SCHIP1: variants seen among roughly 807,000 people sequenced by gnomAD.
SCHIP1 encodes schwannomin-interacting protein 1.
A neutral mutation model predicts 29.7 loss-of-function variants in SCHIP1; 8 were observed. That is an observed-to-expected ratio of 0.27 (90% CI 0.16 to 0.49). The LOEUF is 0.49. Ranked by LOEUF, SCHIP1 falls within the 20% of genes least tolerant of loss-of-function variation. SCHIP1 has a pLI of 0.99. For synonymous variants in SCHIP1, 76 were observed against 94.9 expected, an observed-to-expected ratio of 0.80 and a Z score of 1.16; for missense variants, 193 against 294.6, an observed-to-expected ratio of 0.66 and a Z score of 2.52.
the SCHIP1 span, among the ~76,000 whole-genome samples, chr3:159,678,199 A>T: frequency 6.6e-6 from 1 of 152,204 alleles, no homozygotes; most frequent in Non-Finnish European, 1.5e-5. Context: ...CCACTCACCC[A>T]GGTCTGAACT....
chr3:159,422,081 A>G, the SCHIP1 span, among the ~76,000 whole-genome samples: 12 of 152,224 alleles, frequency 7.9e-5, no homozygotes, highest in Non-Finnish European at 1.6e-4. Flanking sequence ...TTAAATTCCA[A>G]TGGTCATTTT....
the SCHIP1 span, among the ~76,000 whole-genome samples, chr3:159,468,967 C>T: frequency 5.2e-3 from 792 of 151,620 alleles, 7 homozygotes; most frequent in African/African-American, 0.018. Context: ...GGGGTTTCAC[C>T]GTGTTAGCCC....
At chr3:159,476,532 A>G in the SCHIP1 span, among the ~76,000 whole-genome samples, 30 of 152,176 alleles carry the variant, frequency 2.0e-4, no homozygotes, top group Non-Finnish European at 4.1e-4. Flanking sequence ...AGTAGTTTTA[A>G]TTTTTATTTA....
At chr3:159,626,184 A>ATATATATATATATCTAGATATATCTATC in the SCHIP1 span, among the ~76,000 whole-genome samples, 1 of 111,482 alleles carries the variant, frequency 9.0e-6, no homozygotes, top group Non-Finnish European at 1.6e-5. Context: ...ATCTATCTAG[A>ATATATATATATATCTAGATATATCTATC]TAGATAGATA....
chr3:159,666,637 TTTAA>T, the SCHIP1 span, among the ~76,000 whole-genome samples: 9,739 of 152,236 alleles, frequency 0.064, 979 homozygotes, highest in African/African-American at 0.22. Flanking sequence ...TATGTTTAAA[TTTAA>T]TTAAGTCTTC....
chr3:159,306,180 T>C, the SCHIP1 span, among the ~76,000 whole-genome samples: 1 of 74,376 alleles, frequency 1.3e-5, no homozygotes, highest in Non-Finnish European at 4.0e-5. Flanking sequence ...TAATACTATA[T>C]ACATGAATAA....
At chr3:159,440,823 G>A in the SCHIP1 span, among the ~76,000 whole-genome samples, 1 of 152,104 alleles carries the variant, frequency 6.6e-6, no homozygotes, top group Non-Finnish European at 1.5e-5. Flanking sequence ...CATACTCAGA[G>A]CGGGTTATTA....
chr3:159,639,731 GC>G, the SCHIP1 span, among the ~76,000 whole-genome samples: 4 of 152,168 alleles, frequency 2.6e-5, no homozygotes, highest in African/African-American at 9.7e-5. Flanking sequence ...GTAGATGTTA[GC>G]CTCTCCACGT....
chr3:159,434,051 T>G, the SCHIP1 span, among the ~76,000 whole-genome samples: 1 of 152,196 alleles, frequency 6.6e-6, no homozygotes, highest in African/African-American at 2.4e-5. Context: ...GTAGAGTGCA[T>G]GTCTTATTTA....
At chr3:159,588,677 A>G in the SCHIP1 span, among the ~76,000 whole-genome samples, 1 of 152,206 alleles carries the variant, frequency 6.6e-6, no homozygotes, top group Non-Finnish European at 1.5e-5. Context: ...TCAGCTTTCT[A>G]CATATGGCTA....
the SCHIP1 span, among the ~76,000 whole-genome samples, chr3:159,755,340 T>C: frequency 1.3e-5 from 2 of 152,290 alleles, no homozygotes; most frequent in South Asian, 4.2e-4. Flanking sequence ...TCACATCTTA[T>C]ATGGATGGCA....
chr3:159,290,127 G>A, the SCHIP1 span, among the ~76,000 whole-genome samples: 6 of 151,974 alleles, frequency 3.9e-5, no homozygotes, highest in African/African-American at 1.2e-4. Context: ...GCTTTCCATC[G>A]AAGACAACTA....
the SCHIP1 span, chr3:159,274,117 A>T: frequency 1.0e-6 from 1 of 985,206 alleles, no homozygotes; most frequent in Admixed American, 6.2e-5. Context: ...TGAGAATCTA[A>T]GTTTGAGTGT....
the SCHIP1 span, among the ~76,000 whole-genome samples, chr3:159,507,698 G>A: frequency 2.0e-5 from 3 of 152,258 alleles, no homozygotes; most frequent in South Asian, 6.2e-4. Context: ...TTTTGTCAAA[G>A]GCCTTTTCTG....
chr3:159,441,481 G>A, the SCHIP1 span, among the ~76,000 whole-genome samples: 12 of 151,974 alleles, frequency 7.9e-5, no homozygotes, highest in African/African-American at 2.9e-4. Flanking sequence ...TTTTTTGGCG[G>A]GGTGACAGGA....
intron 1 of SCHIP1, among the ~76,000 whole-genome samples, chr3:159,844,194 G>A (rs1711515292): frequency 6.6e-6 from 1 of 152,220 alleles, no homozygotes; most frequent in African/African-American, 2.4e-5. Context: ...TCATTTCCCA[G>A]TTGTATCTTG....
At chr3:159,680,730 A>ATACATATATTATATATGTATAT in the SCHIP1 span, among the ~76,000 whole-genome samples, 4 of 74,016 alleles carry the variant, frequency 5.4e-5, no homozygotes, top group African/African-American at 2.1e-4. Context: ...GTATATATAT[A>ATACATATATTATATATGTATAT]ATATACATAT....
the SCHIP1 span, among the ~76,000 whole-genome samples, chr3:159,489,210 A>T: frequency 1.3e-5 from 2 of 152,086 alleles, no homozygotes; most frequent in Admixed American, 1.3e-4. Context: ...TCATTTTTTG[A>T]TTAGTAAAAT....
the SCHIP1 span, among the ~76,000 whole-genome samples, chr3:159,679,862 A>T: frequency 1.3e-5 from 2 of 152,066 alleles, no homozygotes; most frequent in African/African-American, 4.8e-5. Flanking sequence ...CTCATCTGCC[A>T]TTACAACAGA....
Sources: gnomAD v4.1 joint callset for allele counts (sites outside exome capture counted in the v4.1 genomes callset) on GRCh38, gnomAD v4.1.1 for gene constraint, MANE v1.5 for transcripts, NCBI Gene and HGNC (gene_info 2026-07-23, HGNC 2026-07-21) for gene names.